VIPR1: variants seen among roughly 807,000 people sequenced by gnomAD.
The protein encoded by VIPR1 is vasoactive intestinal polypeptide receptor 1.
A neutral mutation model predicts 58.8 loss-of-function variants in VIPR1; 59 were observed. The ratio of observed to expected loss-of-function variants is 1.00; its 90% CI spans 0.81 to 1.25. The LOEUF (loss-of-function observed/expected upper bound fraction) is 1.25, where lower values mean the gene tolerates loss of function less well. VIPR1 is among the 50% of genes most tolerant of loss of function. VIPR1 has a pLI of 0.00. For synonymous variants in VIPR1, 251 were observed against 242.1 expected (o/e 1.04, Z -0.34); for missense variants, 626 against 602.7 (o/e 1.04, Z -0.40).
At chr3:42,502,853 G>T in intron 1 of VIPR1, 40 bp downstream of exon 1, 1 of 1,245,036 alleles carries the variant, frequency 8.0e-7, no homozygotes, top group South Asian at 3.2e-5. Context: ...CGGCAGCCTG[G>T]GGGTTGCGGA....
At chr3:42,535,179 C>T (rs1424673811) in intron 11 of VIPR1, 75 bp downstream of exon 11, 1 of 1,607,080 alleles carries the variant, frequency 6.2e-7, no homozygotes, top group African/African-American at 1.3e-5. Context: ...TGGCCCTTGC[C>T]ACTGGATTCC....
At chr3:42,496,215 G>A (rs1269175311) in intron 1 of VIPR1, among the ~76,000 whole-genome samples, 8 of 151,966 alleles carry the variant, frequency 5.3e-5, no homozygotes, top group Admixed American at 6.6e-5. Flanking sequence ...CCAGCCTGGG[G>A]CAAGACTCCG....
chr3:42,525,080 G>C (rs1384739646), intron 3 of VIPR1, among the ~76,000 whole-genome samples: 2 of 152,048 alleles, frequency 1.3e-5, no homozygotes, highest in African/African-American at 4.8e-5. Context: ...CTGAGATGGG[G>C]AAGCGTGATT....
chr3:42,497,730 T>G (rs1262451131), upstream of VIPR1, among the ~76,000 whole-genome samples: 1 of 152,228 alleles, frequency 6.6e-6, no homozygotes, highest in Non-Finnish European at 1.5e-5. Context: ...ATAACTCTCA[T>G]GAGATCTGAT....
Position 42,530,678 on chromosome 3 carries a change from T to C in VIPR1, c.637-101T>C, listed in dbSNP as rs146668674. The C allele has an allele frequency of 4.7e-3, 6,449 of 1,357,982 alleles. 18 individuals are homozygous for C. The highest frequency in any genetic ancestry group is 6.0e-3 in the Non-Finnish European group (5,958 of 987,066). 84.1% of individuals were successfully genotyped at this position (1,357,982 alleles called of 1,614,324 possible). Reference sequence around the variant, plus strand: ...ATGCAAAACAACAAAGAGATTAAGTTGGCTGCACTGCAACTGTGTTTGTCC... The same window carrying C: ...ATGCAAAACAACAAAGAGATTAAGTCGGCTGCACTGCAACTGTGTTTGTCC... On this transcript the variant is annotated intron_variant, in intron 6 of 12. Transcript: ENST00000325123.
intron 11 of VIPR1, 49 bp from the exon 12 acceptor site, chr3:42,535,294 G>A (rs536400016): frequency 6.2e-7 from 1 of 1,610,766 alleles, no homozygotes; most frequent in Non-Finnish European, 8.5e-7. Context: ...GGCAGGGCTG[G>A]GGGCTTCTGG....
At chr3:42,497,464 G>A (rs982650800) in intron 1 of VIPR1, among the ~76,000 whole-genome samples, 6 of 151,720 alleles carry the variant, frequency 4.0e-5, no homozygotes, top group African/African-American at 7.3e-5. Context: ...ACACACACAC[G>A]CACACACACA....
intron 1 of VIPR1, among the ~76,000 whole-genome samples, chr3:42,493,540 G>A (rs901942808): frequency 2.6e-5 from 4 of 152,182 alleles, no homozygotes; most frequent in African/African-American, 7.2e-5. Context: ...GACAGAGGAG[G>A]GATTAGAGCT....
chr3:42,502,570 T>C, upstream of VIPR1: 1 of 453,850 alleles, frequency 2.2e-6, no homozygotes, highest in Non-Finnish European at 3.5e-6. Flanking sequence ...CCGCCGCCCG[T>C]CAGACGAGCC....
At chr3:42,500,599 C>T (rs1391614631), upstream of VIPR1, among the ~76,000 whole-genome samples, 2 of 152,114 alleles carry the variant, frequency 1.3e-5, no homozygotes, top group Admixed American at 1.3e-4. Context: ...ATCTAGGGCT[C>T]CTAGGACACC....
At chr3:42,496,583 C>A in intron 1 of VIPR1, among the ~76,000 whole-genome samples, 1 of 152,190 alleles carries the variant, frequency 6.6e-6, no homozygotes. Context: ...ACAGTCCCTC[C>A]CTTTTCTACA....
chr3:42,524,649 C>T (rs560021597), intron 3 of VIPR1, among the ~76,000 whole-genome samples: 11 of 152,294 alleles, frequency 7.2e-5, no homozygotes, highest in South Asian at 6.2e-4. Context: ...TCCGGGCATA[C>T]GGCAAAGTTT....
At chr3:42,500,926 A>G (rs1211544198), upstream of VIPR1, among the ~76,000 whole-genome samples, 1 of 152,214 alleles carries the variant, frequency 6.6e-6, no homozygotes, top group Non-Finnish European at 1.5e-5. Context: ...CAGGGAGTAC[A>G]GTAGCTCCCC....
chr3:42,494,286 T>G (rs183812989), intron 1 of VIPR1, among the ~76,000 whole-genome samples: 58 of 151,878 alleles, frequency 3.8e-4, no homozygotes, highest in African/African-American at 1.3e-3. Flanking sequence ...GGAAATGCAG[T>G]TTTTTTTTAC....
chr3:42,527,844 T>C, intron 5 of VIPR1, 147 bp from the exon 6 acceptor site: 1 of 1,207,928 alleles, frequency 8.3e-7, no homozygotes, highest in South Asian at 1.5e-5. Context: ...GGCTCGTATT[T>C]CAGGATGGGA....
intron 3 of VIPR1, among the ~76,000 whole-genome samples, chr3:42,519,863 C>T (rs1700823986): frequency 6.6e-6 from 1 of 152,198 alleles, no homozygotes; most frequent in Non-Finnish European, 1.5e-5. Context: ...GAAGCACTTA[C>T]CAGTGTGCCA....
chr3:42,504,554 CTCTTACATCCCCATGTT>C (rs1028632055), intron 1 of VIPR1, among the ~76,000 whole-genome samples: 1 of 152,054 alleles, frequency 6.6e-6, no homozygotes, highest in African/African-American at 2.4e-5. Flanking sequence ...GGGCTGGGGT[CTCTTACATCCCCATGTT>C]TCTTACAGCC....
intron 6 of VIPR1, chr3:42,529,708 G>A (rs960337364): frequency 2.0e-5 from 3 of 152,224 alleles, no homozygotes; most frequent in Admixed American, 6.5e-5. Context: ...GTTTCCTGGT[G>A]GAGGGTGGCT....
intron 1 of VIPR1, chr3:42,512,086 G>A (rs1700386928): frequency 6.6e-6 from 1 of 152,224 alleles, no homozygotes; most frequent in Non-Finnish European, 1.5e-5. Context: ...CCATTGGCTG[G>A]TAAAGGTGCA....
Sources: gnomAD v4.1 joint callset for allele counts (sites outside exome capture counted in the v4.1 genomes callset) on GRCh38, gnomAD v4.1.1 for gene constraint, MANE v1.5 for transcripts, NCBI Gene and HGNC (gene_info 2026-07-23, HGNC 2026-07-21) for gene names.